FAM234A: variants seen among roughly 807,000 people sequenced by gnomAD.
FAM234A encodes protein FAM234A.
Under a neutral mutation model 49.1 loss-of-function variants are expected in FAM234A, and 42 were observed. That is an observed-to-expected ratio of 0.86 (90% CI 0.67 to 1.11). The LOEUF is 1.11. FAM234A is among the 50% of genes least tolerant of loss of function. The pLI, the probability that FAM234A is intolerant of heterozygous loss-of-function variation, is 0.00. For missense variants in FAM234A, 815 were observed against 745.2 expected (o/e 1.09, Z -1.09); for synonymous variants, 369 against 316.2 (o/e 1.17, Z -1.77).
chr16:238,524 T>A (rs780455669), intron 1 of FAM234A, among the ~76,000 whole-genome samples: 63 of 152,114 alleles, frequency 4.1e-4, no homozygotes, highest in Non-Finnish European at 7.6e-4. Flanking sequence ...CCCAGCCCTT[T>A]GGGAGGCCAA....
rs78342301 is a variant in FAM234A at position 242,578 on chromosome 16, C to T, written c.-139-6971C>T. On this transcript the variant is annotated intron_variant, in intron 1 of 12. Coordinates refer to ENST00000399932, the MANE Select transcript of FAM234A (RefSeq NM_032039.4). ...ACCATATATGAGGTATTGTGTTTATCTTTCTTTCTTCAAGTTATTCTTGGT... is the reference window on the plus strand; with the variant it reads ...ACCATATATGAGGTATTGTGTTTATTTTTCTTTCTTCAAGTTATTCTTGGT... Among the ~76,000 whole-genome samples, 496 of 148,614 alleles carry T rather than the reference C, an allele frequency of 3.3e-3. 1 individual carries two copies. The highest frequency in any genetic ancestry group is 0.011 in the African/African-American group (448 of 39,922).
intron 1 of FAM234A, chr16:240,139 C>T (rs546579659): frequency 6.6e-6 from 1 of 152,108 alleles, no homozygotes; most frequent in African/African-American, 2.4e-5. Context: ...GTGACACAGC[C>T]ACATTGTGTA....
chr16:265,162 T>A lies in FAM234A; in HGVS notation c.*140T>A. Reference sequence around the variant, plus strand: ...GGTCGCCACTGGGCAGCAGCAGCCTTACCAGTCCTCCATGATCACACCCAG... The same window carrying A: ...GGTCGCCACTGGGCAGCAGCAGCCTAACCAGTCCTCCATGATCACACCCAG... On this transcript the variant is annotated 3_prime_UTR_variant, in exon 13 of 13. Coordinates refer to ENST00000399932, the MANE Select transcript of FAM234A (RefSeq NM_032039.4). 1 of 1,433,026 alleles carries A rather than the reference T, an allele frequency of 7.0e-7. No individual in the cohort carries two copies. The highest frequency in any genetic ancestry group is 9.1e-7 in the Non-Finnish European group (1 of 1,097,072). The allele number at this position is 1,433,026 out of a possible 1,614,324, so 88.8% of individuals were successfully genotyped here. A position where few individuals can be genotyped will look rare whatever the true frequency, so the allele number is the denominator to read the frequency against.
In FAM234A at chr16:263,312, A is replaced by C; in HGVS notation, c.1022A>C (p.Asp341Ala). ...CATGTCCCAGGGAACGCCGGTGCAG[A>C]TGTGCTTCTTGTGGGCTCAGAGGCC... ...LMHVPGNAGA[D>A]VLLVGSEAFV... The change falls in exon 9 of 13, where the codon GAT becomes GCT. Residue 341 changes from aspartate to alanine, a missense_variant. By Grantham distance (126) the Asp-to-Ala change is moderately radical. Transcript: ENST00000399932. 6.2e-7 allele frequency: 1 copy of C among 1,613,184 alleles called. No individual in the cohort carries two copies. The highest frequency in any genetic ancestry group is 2.2e-5 in the East Asian group (1 of 44,872).
intron 5 of FAM234A, chr16:260,728 AT>A (rs1423428336): frequency 2.2e-6 from 1 of 446,626 alleles, no homozygotes; most frequent in Non-Finnish European, 4.8e-6. Context: ...GAATGTTCAT[AT>A]TTCCCTTACA....
chr16:268,771 TC>T (rs1567232655), downstream of FAM234A: 1 of 1,549,608 alleles, frequency 6.5e-7, no homozygotes, highest in Non-Finnish European at 8.7e-7. Context: ...TGGGTCCTCT[TC>T]CAGGCTCACA....
Position 247,900 on chromosome 16 carries a change from G to C in FAM234A, c.-139-1649G>C, listed in dbSNP as rs148633445. ...AGTGCCATTTTCTACCCTGACCTGG[G>C]TTCGCCCAAGTGGTGGGAGAGTCCC... On this transcript the variant is annotated intron_variant, in intron 1 of 12. Coordinates refer to ENST00000399932, the MANE Select transcript of FAM234A (RefSeq NM_032039.4). 1.4e-3 allele frequency among the ~76,000 whole-genome samples: 220 copies of C among 152,196 alleles called. 2 individuals are homozygous for C. Among genetic ancestry groups the C allele is most frequent in the African/African-American group, 5.0e-3 (209 of 41,432 alleles).
intron 1 of FAM234A, among the ~76,000 whole-genome samples, chr16:242,053 C>A (rs112373563): frequency 1.1e-4 from 16 of 152,226 alleles, no homozygotes; most frequent in African/African-American, 2.9e-4. Context: ...GGTATTCCTG[C>A]CCCACCCCTG....
chr16:251,499 C>T (rs936227822), intron 2 of FAM234A, among the ~76,000 whole-genome samples: 6 of 151,896 alleles, frequency 4.0e-5, no homozygotes, highest in South Asian at 4.2e-4. Flanking sequence ...CCCCAGCCTC[C>T]GGGTAGCTGA....
intron 3 of FAM234A, among the ~76,000 whole-genome samples, chr16:255,232 C>T (rs2051184275): frequency 2.0e-5 from 3 of 152,002 alleles, no homozygotes; most frequent in Admixed American, 2.0e-4. Context: ...TTAAGTCATC[C>T]TCCTCCCTCG....
At chr16:264,244 A>C (rs1167384616) in intron 11 of FAM234A, 73 bp downstream of exon 11, 1 of 1,435,982 alleles carries the variant, frequency 7.0e-7, no homozygotes, top group African/African-American at 1.4e-5. Flanking sequence ...TCCACCGTGG[A>C]GTGCCCAGAA....
chr16:268,054 TACAC>T (rs768506062), downstream of FAM234A, among the ~76,000 whole-genome samples: 4 of 138,962 alleles, frequency 2.9e-5, no homozygotes, highest in Middle Eastern at 6.3e-3. Context: ...ACACGGGTGC[TACAC>T]ACAATCACAC....
Position 265,395 on chromosome 16 carries a change from AG to A in FAM234A, c.*375del, listed in dbSNP as rs1375459848. 9.7e-7 allele frequency: 1 copy of A among 1,035,368 alleles called. No homozygotes were observed. The highest frequency in any genetic ancestry group is 1.2e-6 in the Non-Finnish European group (1 of 862,670). 64.1% of individuals were successfully genotyped at this position (1,035,368 alleles called of 1,614,324 possible). A position where few individuals can be genotyped will look rare whatever the true frequency, so the allele number is the denominator to read the frequency against. Reference sequence around the variant, plus strand: ...GCCCTCTCCTTGCCAGCTTCTCCCCAGGCCAGAGCGGCCATCGCGTAGAAAG... The same window carrying A: ...GCCCTCTCCTTGCCAGCTTCTCCCCAGCCAGAGCGGCCATCGCGTAGAAAG... On this transcript the variant is annotated 3_prime_UTR_variant, in exon 13 of 13. Transcript: ENST00000399932.
chr16:239,658 C>A (rs2050544083), intron 1 of FAM234A, among the ~76,000 whole-genome samples: 1 of 151,130 alleles, frequency 6.6e-6, no homozygotes, highest in Non-Finnish European at 1.5e-5. Flanking sequence ...GGGGGAGTTG[C>A]AGGAAATCTG....
chr16:262,889 G>A (rs1269849686), intron 8 of FAM234A, among the ~76,000 whole-genome samples: 2 of 149,302 alleles, frequency 1.3e-5, no homozygotes, highest in Non-Finnish European at 3.0e-5. Flanking sequence ...GTGCGATCTC[G>A]GTTCACTGCA....
intron 11 of FAM234A, 58 bp from the exon 12 acceptor site, chr16:264,556 G>A: frequency 9.0e-7 from 1 of 1,115,378 alleles, no homozygotes; most frequent in Non-Finnish European, 1.3e-6. Flanking sequence ...TCTGACAGCA[G>A]TGTCCTGTGG....
At chr16:247,323 G>A (rs1344314005) in intron 1 of FAM234A, among the ~76,000 whole-genome samples, 2 of 151,482 alleles carry the variant, frequency 1.3e-5, no homozygotes, top group African/African-American at 2.4e-5. Context: ...TTTTAGAAAC[G>A]GTCTCACCGT....
At chr16:259,915 C>A in intron 4 of FAM234A, 54 bp from the exon 5 acceptor site, 4 of 1,523,230 alleles carry the variant, frequency 2.6e-6, no homozygotes, top group Non-Finnish European at 3.6e-6. Context: ...TGGGGCTGGC[C>A]GGCCTGCCTG....
chr16:254,809 G>A (rs922129625), intron 3 of FAM234A, 128 bp downstream of exon 3: 5 of 917,558 alleles, frequency 5.4e-6, no homozygotes, highest in Non-Finnish European at 8.3e-6. Context: ...CCAAGAGGCT[G>A]CCAGTTCTAT....
Sources: gnomAD v4.1 joint callset for allele counts (sites outside exome capture counted in the v4.1 genomes callset) on GRCh38, gnomAD v4.1.1 for gene constraint, MANE v1.5 for transcripts, NCBI Gene and HGNC (gene_info 2026-07-23, HGNC 2026-07-21) for gene names.